Variants in PCDH9 observed in about 807,000 individuals in gnomAD.
PCDH9 encodes the protein protocadherin 9, also known as protocadherin-9.
Under a neutral mutation model 70.6 loss-of-function variants are expected in PCDH9, and 24 were observed. The observed-to-expected ratio is 0.34, with a 90% CI of 0.25 to 0.48. The LOEUF is 0.48. PCDH9 is among the 20% of genes least tolerant of loss of function. The pLI is 0.99. For synonymous variants in PCDH9, 562 were observed against 558.5 expected, an observed-to-expected ratio of 1.01 and a Z score of -0.09; for missense variants, 1,281 against 1,503.6, an observed-to-expected ratio of 0.85 and a Z score of 2.45.
intron 4 of PCDH9, among the ~76,000 whole-genome samples, chr13:66,554,363 A>G (rs1342743001): frequency 6.6e-6 from 1 of 152,148 alleles, no homozygotes; most frequent in African/African-American, 2.4e-5. Context: ...AAGGTAAAAT[A>G]AAATCTTTTC....
intron 2 of PCDH9, among the ~76,000 whole-genome samples, chr13:66,905,748 C>A (rs1040101979): frequency 4.6e-5 from 7 of 151,874 alleles, no homozygotes; most frequent in Non-Finnish European, 1.0e-4. Context: ...GCTTTAAATA[C>A]AAGAACTTAT....
intron 2 of PCDH9, among the ~76,000 whole-genome samples, chr13:66,994,146 C>T (rs950808484): frequency 1.3e-5 from 2 of 152,252 alleles, no homozygotes; most frequent in Non-Finnish European, 2.9e-5. Flanking sequence ...GCACAGAGCC[C>T]TATGGAATTG....
intron 3 of PCDH9, among the ~76,000 whole-genome samples, chr13:66,632,411 T>C (rs1001941584): frequency 6.6e-5 from 10 of 152,218 alleles, no homozygotes; most frequent in South Asian, 4.1e-4. Flanking sequence ...GAAATTATTC[T>C]TGACCATTGA....
At chr13:66,528,479 G>A (rs1960305444) in intron 4 of PCDH9, among the ~76,000 whole-genome samples, 1 of 152,158 alleles carries the variant, frequency 6.6e-6, no homozygotes, top group Admixed American at 6.5e-5. Context: ...CAACTGAAGT[G>A]TAATTTTCAG....
intron 4 of PCDH9, among the ~76,000 whole-genome samples, chr13:66,524,838 G>C (rs1178934222): frequency 6.6e-6 from 1 of 151,888 alleles, no homozygotes; most frequent in Non-Finnish European, 1.5e-5. Flanking sequence ...CATAAAATGG[G>C]GAGTATCATT....
chr13:66,805,737 A>T (rs928425710), intron 3 of PCDH9, among the ~76,000 whole-genome samples: 10 of 152,148 alleles, frequency 6.6e-5, no homozygotes, highest in African/African-American at 1.9e-4. Flanking sequence ...TATCAAGATG[A>T]TACTATTTCT....
chr13:66,733,146 G>C (rs2079099419), intron 3 of PCDH9, among the ~76,000 whole-genome samples: 1 of 152,034 alleles, frequency 6.6e-6, no homozygotes, highest in South Asian at 2.1e-4. Context: ...CTGTGGCTTT[G>C]AATCTAACCT....
chr13:66,942,674 A>T (rs536468929), intron 2 of PCDH9, among the ~76,000 whole-genome samples: 62 of 152,152 alleles, frequency 4.1e-4, no homozygotes, highest in African/African-American at 1.5e-3. Flanking sequence ...GTCTCAAGAG[A>T]TCCTGTTCAA....
chr13:66,951,738 G>T (rs2083184693), intron 2 of PCDH9, among the ~76,000 whole-genome samples: 2 of 152,126 alleles, frequency 1.3e-5, no homozygotes, highest in South Asian at 4.1e-4. Context: ...TTTCCTTACT[G>T]AATTTTTTAG....
At chr13:66,871,769 T>C (rs2081693218) in intron 3 of PCDH9, among the ~76,000 whole-genome samples, 1 of 152,132 alleles carries the variant, frequency 6.6e-6, no homozygotes, top group African/African-American at 2.4e-5. Flanking sequence ...GTGCAAATTT[T>C]CAGACCTATT....
At chr13:66,709,412 C>T (rs1480905728) in intron 3 of PCDH9, among the ~76,000 whole-genome samples, 3 of 152,122 alleles carry the variant, frequency 2.0e-5, no homozygotes, top group African/African-American at 2.4e-5. Flanking sequence ...CTTCTGTTCC[C>T]AGTTTCAGTA....
At chr13:67,186,397 A>G (rs1355494175) in intron 2 of PCDH9, among the ~76,000 whole-genome samples, 1 of 152,212 alleles carries the variant, frequency 6.6e-6, no homozygotes, top group Non-Finnish European at 1.5e-5. Context: ...AATAATTCAT[A>G]CTATAATAAA....
At chr13:66,394,637 A>G (rs546035232) in intron 4 of PCDH9, among the ~76,000 whole-genome samples, 1 of 152,292 alleles carries the variant, frequency 6.6e-6, no homozygotes, top group South Asian at 2.1e-4. Flanking sequence ...ATTTAAATAT[A>G]TATTAAGTGG....
chr13:67,149,128 T>C (rs976790184), intron 2 of PCDH9, among the ~76,000 whole-genome samples: 1 of 152,190 alleles, frequency 6.6e-6, no homozygotes, highest in Admixed American at 6.5e-5. Flanking sequence ...GCCAATGATA[T>C]TGTAGGTCTC....
intron 4 of PCDH9, among the ~76,000 whole-genome samples, chr13:66,396,002 A>G (rs1249573884): frequency 6.6e-6 from 1 of 152,218 alleles, no homozygotes; most frequent in African/African-American, 2.4e-5. Flanking sequence ...AAGAAGATTT[A>G]AATCTATTGA....
chr13:66,551,368 G>T (rs543545211), intron 4 of PCDH9, among the ~76,000 whole-genome samples: 2 of 152,134 alleles, frequency 1.3e-5, no homozygotes, highest in Non-Finnish European at 2.9e-5. Flanking sequence ...GAAAGGGCAC[G>T]TGCAATCATA....
chr13:67,077,875 A>G (rs1038427241), intron 2 of PCDH9, among the ~76,000 whole-genome samples: 1 of 152,170 alleles, frequency 6.6e-6, no homozygotes, highest in African/African-American at 2.4e-5. Flanking sequence ...TCACATGTAT[A>G]TCGATTTAGA....
intron 4 of PCDH9, among the ~76,000 whole-genome samples, chr13:66,430,151 A>C (rs2138373094): frequency 6.6e-6 from 1 of 152,204 alleles, no homozygotes; most frequent in South Asian, 2.1e-4. Flanking sequence ...TCAGAGCAAT[A>C]AAGCTAACTC....
At chr13:67,014,907 GAATT>G (rs922527337) in intron 2 of PCDH9, among the ~76,000 whole-genome samples, 16 of 152,060 alleles carry the variant, frequency 1.1e-4, no homozygotes, top group African/African-American at 3.9e-4. Context: ...CAAATTTCTT[GAATT>G]AATTGTCTAC....
Sources: gnomAD v4.1 joint callset for allele counts (sites outside exome capture counted in the v4.1 genomes callset) on GRCh38, gnomAD v4.1.1 for gene constraint, MANE v1.5 for transcripts, NCBI Gene and HGNC (gene_info 2026-07-23, HGNC 2026-07-21) for gene names.